Variants in SH3GL3 observed in about 807,000 individuals in gnomAD.
SH3GL3 encodes SH3 domain containing GRB2 like 3, endophilin A3, also known as endophilin-A3.
Under a neutral mutation model 47.7 loss-of-function variants are expected in SH3GL3, and 33 were observed. That is an observed-to-expected ratio of 0.69 (90% CI 0.52 to 0.92). The LOEUF (loss-of-function observed/expected upper bound fraction) is 0.92. Among genes scored for constraint, SH3GL3 ranks in the 40% least tolerant of loss-of-function variants. The pLI is 0.00. For synonymous variants in SH3GL3, 155 were observed against 148.8 expected, an observed-to-expected ratio of 1.04 and a Z score of -0.30; for missense variants, 363 against 417.8, an observed-to-expected ratio of 0.87 and a Z score of 1.14.
At chr15:83,601,775 C>T (rs185319968) in intron 8 of SH3GL3, among the ~76,000 whole-genome samples, 283 of 150,016 alleles carry the variant, frequency 1.9e-3, no homozygotes, top group Non-Finnish European at 2.2e-3. Flanking sequence ...GGATTGGTAC[C>T]GATTCTTCTT....
At chr15:83,511,663 C>G (rs1472090945) in intron 1 of SH3GL3, among the ~76,000 whole-genome samples, 1 of 152,162 alleles carries the variant, frequency 6.6e-6, no homozygotes, top group African/African-American at 2.4e-5. Context: ...ACTCCTATTT[C>G]TCTTGGGCTC....
intron 1 of SH3GL3, among the ~76,000 whole-genome samples, chr15:83,557,178 G>A (rs748989421): frequency 1.3e-5 from 2 of 152,198 alleles, no homozygotes; most frequent in Admixed American, 1.3e-4. Flanking sequence ...ACGTGGAGGT[G>A]CCACTCCCCA....
intron 1 of SH3GL3, among the ~76,000 whole-genome samples, chr15:83,485,320 A>G (rs997271431): frequency 6.6e-6 from 1 of 152,188 alleles, no homozygotes; most frequent in Non-Finnish European, 1.5e-5. Flanking sequence ...TCCTTCATAT[A>G]TTAATGTAGG....
intron 3 of SH3GL3, among the ~76,000 whole-genome samples, chr15:83,568,321 G>A (rs2045653409): frequency 6.6e-6 from 1 of 152,000 alleles, no homozygotes; most frequent in African/African-American, 2.4e-5. Context: ...TCGTGGCTGC[G>A]GAACAGTGCA....
At chr15:83,577,386 C>T (rs2059711321) in intron 6 of SH3GL3, among the ~76,000 whole-genome samples, 1 of 152,094 alleles carries the variant, frequency 6.6e-6, no homozygotes, top group Admixed American at 6.5e-5. Context: ...TTGCTTCAGA[C>T]ATCCAGCAAG....
At chr15:83,633,756 T>C in the SH3GL3 span, among the ~76,000 whole-genome samples, 1 of 152,146 alleles carries the variant, frequency 6.6e-6, no homozygotes, top group Admixed American at 6.6e-5. Flanking sequence ...TTCCCTTAAA[T>C]CTGGAAGCCT....
At chr15:83,550,378 C>G (rs554857521) in intron 1 of SH3GL3, among the ~76,000 whole-genome samples, 73 of 152,080 alleles carry the variant, frequency 4.8e-4, no homozygotes, top group Non-Finnish European at 9.3e-4. Flanking sequence ...TCCACAGTGC[C>G]CATTACCATT....
At chr15:83,594,886 C>T (rs1359213148) in intron 8 of SH3GL3, among the ~76,000 whole-genome samples, 4 of 152,144 alleles carry the variant, frequency 2.6e-5, no homozygotes, top group Admixed American at 6.6e-5. Flanking sequence ...AATGAGACAG[C>T]TTATACACTG....
the SH3GL3 span, among the ~76,000 whole-genome samples, chr15:83,629,804 A>G: frequency 1.3e-5 from 2 of 151,416 alleles, no homozygotes; most frequent in Non-Finnish European, 2.9e-5. Flanking sequence ...TGGATGCCAG[A>G]GCAAGACTCT....
At chr15:83,596,523 T>G (rs1467350050) in intron 8 of SH3GL3, among the ~76,000 whole-genome samples, 1 of 152,262 alleles carries the variant, frequency 6.6e-6, no homozygotes, top group South Asian at 2.1e-4. Context: ...CTGGCAATTG[T>G]ATCCAGAAGT....
intron 1 of SH3GL3, among the ~76,000 whole-genome samples, chr15:83,516,902 A>C (rs1261554182): frequency 6.6e-6 from 1 of 152,064 alleles, no homozygotes; most frequent in Non-Finnish European, 1.5e-5. Context: ...TCTTTCAGTC[A>C]ACATTTTTTT....
Position 83,590,931 on chromosome 15 carries a change from A to G in SH3GL3, c.838+2160A>G, listed in dbSNP as rs78879676. ...AAATTTTTAATTCTTATGAAGTCCA[A>G]TGTATTCATGTTTAGTTTTATAGAT... On this transcript the variant is annotated intron_variant, in intron 8 of 8. Transcript: ENST00000427482. Among the ~76,000 whole-genome samples the G allele has an allele frequency of 7.1e-3, 1,087 of 152,300 alleles. 10 individuals are homozygous for G. Among genetic ancestry groups the G allele is most frequent in the African/African-American group, 0.025 (1,051 of 41,552 alleles).
At chr15:83,601,321 T>C (rs1287715011) in intron 8 of SH3GL3, among the ~76,000 whole-genome samples, 1 of 152,344 alleles carries the variant, frequency 6.6e-6, no homozygotes, top group Non-Finnish European at 1.5e-5. Context: ...CAGTATTATG[T>C]TGGCTGTGGG....
chr15:83,549,318 G>A (rs1158479115), intron 1 of SH3GL3, among the ~76,000 whole-genome samples: 1 of 152,194 alleles, frequency 6.6e-6, no homozygotes, highest in Non-Finnish European at 1.5e-5. Flanking sequence ...CACATATTGT[G>A]TGTGAAGAAT....
At chr15:83,603,377 G>T (rs2060437380) in intron 8 of SH3GL3, among the ~76,000 whole-genome samples, 1 of 152,170 alleles carries the variant, frequency 6.6e-6, no homozygotes, top group Non-Finnish European at 1.5e-5. Flanking sequence ...TTCTTTCTTA[G>T]ATATAGCTCT....
intron 1 of SH3GL3, among the ~76,000 whole-genome samples, chr15:83,459,693 T>C (rs1405893319): frequency 6.6e-6 from 1 of 152,236 alleles, no homozygotes; most frequent in Non-Finnish European, 1.5e-5. Context: ...AATTTCAAAT[T>C]GAAAGTGCTG....
At chr15:83,583,628 C>T (rs1008398871) in intron 6 of SH3GL3, among the ~76,000 whole-genome samples, 6 of 152,120 alleles carry the variant, frequency 3.9e-5, no homozygotes, top group African/African-American at 1.4e-4. Context: ...TCCCAACGGC[C>T]ATATATGCTG....
At chr15:83,539,923 A>G (rs1189967228) in intron 1 of SH3GL3, among the ~76,000 whole-genome samples, 1 of 152,228 alleles carries the variant, frequency 6.6e-6, no homozygotes, top group African/African-American at 2.4e-5. Flanking sequence ...TTTTAAGAAT[A>G]GAAAGGATAC....
chr15:83,447,657 T>A lies in SH3GL3; in HGVS notation c.45+79T>A. 1.9e-6 allele frequency: 2 copies of A among 1,060,916 alleles called. No homozygotes were observed. Among genetic ancestry groups the A allele is most frequent in the Non-Finnish European group, 2.6e-6 (2 of 764,558 alleles). The allele number at this position is 1,060,916 out of a possible 1,614,324, so 65.7% of individuals were successfully genotyped here. On this transcript the variant is annotated intron_variant, in intron 1 of 8. Transcript: ENST00000427482. This position sits in a 1 kb window ranked among gnomAD's most constrained non-coding sequence, Gnocchi z 5.1. ...CCCGAGGCTCCCGGGCCTTTGGGAC[T>A]CCTGTTCCCTGAAGGGCCTCTCTCG...
Sources: gnomAD v4.1 joint callset for allele counts (sites outside exome capture counted in the v4.1 genomes callset) on GRCh38, gnomAD v4.1.1 for gene constraint, Gnocchi (gnomAD v3.1) non-coding constraint, MANE v1.5 for transcripts, NCBI Gene and HGNC (gene_info 2026-07-23, HGNC 2026-07-21) for gene names.